Variants in CLEC16A observed in about 807,000 individuals in gnomAD.
The protein encoded by CLEC16A is C-type lectin domain containing 16A, also known as protein CLEC16A.
CLEC16A carries 51 observed loss-of-function variants against 109.5 expected under a neutral mutation model. The observed-to-expected ratio is 0.47, with a 90% CI of 0.37 to 0.59. The LOEUF is 0.59. Among genes scored for constraint, CLEC16A ranks in the 20% least tolerant of loss-of-function variants. The pLI is 0.00. For synonymous variants in CLEC16A, 673 were observed against 564.2 expected, an observed-to-expected ratio of 1.19 and a Z score of -2.73; for missense variants, 1,339 against 1,394.0, an observed-to-expected ratio of 0.96 and a Z score of 0.63.
At chr16:11,071,418 G>A (rs113446225) in intron 19 of CLEC16A, among the ~76,000 whole-genome samples, 2,335 of 152,190 alleles carry the variant, frequency 0.015, 32 homozygotes, top group Middle Eastern at 0.031. Flanking sequence ...CAAAAAAGAG[G>A]GGGACGAAGG....
At chr16:11,124,698 A>G (rs1236525928) in intron 21 of CLEC16A, among the ~76,000 whole-genome samples, 1 of 152,186 alleles carries the variant, frequency 6.6e-6, no homozygotes, top group Non-Finnish European at 1.5e-5. Flanking sequence ...ACCCAGTGCC[A>G]TTCAGTTCAG....
intron 10 of CLEC16A, among the ~76,000 whole-genome samples, chr16:11,001,456 G>C (rs922038607): frequency 2.0e-5 from 3 of 152,220 alleles, no homozygotes; most frequent in African/African-American, 4.8e-5. Flanking sequence ...TTTAGGAAGA[G>C]TGTGAGCTTT....
At chr16:11,038,047 G>A (rs1442677643) in intron 13 of CLEC16A, among the ~76,000 whole-genome samples, 1 of 152,036 alleles carries the variant, frequency 6.6e-6, no homozygotes, top group Non-Finnish European at 1.5e-5. Context: ...GGCGTTTTGG[G>A]GCATGAGAGA....
At chr16:10,962,083 G>A (rs974917077) in intron 2 of CLEC16A, among the ~76,000 whole-genome samples, 6 of 150,600 alleles carry the variant, frequency 4.0e-5, no homozygotes, top group African/African-American at 1.5e-4. Context: ...CTCCTGAGTA[G>A]CTGGCACTTC....
chr16:11,074,412 G>A (rs2049238530), intron 19 of CLEC16A, among the ~76,000 whole-genome samples: 1 of 152,180 alleles, frequency 6.6e-6, no homozygotes, highest in Non-Finnish European at 1.5e-5. Flanking sequence ...ACTGGAAATG[G>A]GATTGTAATA....
chr16:11,126,316 C>A (rs1458202444), intron 22 of CLEC16A, 170 bp downstream of exon 22: 7 of 1,499,934 alleles, frequency 4.7e-6, no homozygotes, highest in Non-Finnish European at 6.2e-6. Flanking sequence ...TAAACACAGC[C>A]CCCAAAATAA....
intron 19 of CLEC16A, among the ~76,000 whole-genome samples, chr16:11,115,526 C>G (rs1417360110): frequency 3.9e-5 from 6 of 152,260 alleles, no homozygotes; most frequent in African/African-American, 9.6e-5. Context: ...GCACATGCCA[C>G]TACAGCCAGT....
At chr16:10,986,662 A>G (rs1056751931) in intron 10 of CLEC16A, among the ~76,000 whole-genome samples, 2 of 151,354 alleles carry the variant, frequency 1.3e-5, no homozygotes, top group African/African-American at 2.4e-5. Flanking sequence ...GGCTCATTTC[A>G]CTTAATGTAA....
At chr16:10,946,056 T>C (rs2041348898) in intron 1 of CLEC16A, among the ~76,000 whole-genome samples, 1 of 151,930 alleles carries the variant, frequency 6.6e-6, no homozygotes, top group African/African-American at 2.4e-5. Flanking sequence ...GTGTGGAGGA[T>C]GATGAAAAAT....
chr16:11,097,500 C>G (rs1397621118), intron 19 of CLEC16A, among the ~76,000 whole-genome samples: 6 of 151,984 alleles, frequency 3.9e-5, no homozygotes, highest in Admixed American at 2.6e-4. Context: ...CCTTCCCTGC[C>G]CTATTATTTT....
intron 22 of CLEC16A, among the ~76,000 whole-genome samples, chr16:11,137,247 A>T (rs182708105): frequency 6.6e-6 from 1 of 152,298 alleles, no homozygotes; most frequent in East Asian, 1.9e-4. Flanking sequence ...TCATTAACAG[A>T]CAAGTGATAG....
chr16:11,075,262 T>G (rs1290692726), intron 19 of CLEC16A, among the ~76,000 whole-genome samples: 1 of 152,152 alleles, frequency 6.6e-6, no homozygotes, highest in African/African-American at 2.4e-5. Context: ...CCGAGGCACA[T>G]CAACCCTTGG....
chr16:11,027,109 C>T lies in CLEC16A; in HGVS notation c.1537+2188C>T, dbSNP rs548178714. On this transcript the variant is annotated intron_variant, in intron 13 of 23. Transcript: ENST00000409790. ...AAGGCTTATCAGGCACTCAAAGCCA[C>T]CCAGGCAAAGCAGGAACTTTTGGCA... 61 of 1,523,362 alleles carry T rather than the reference C, an allele frequency of 4.0e-5. No homozygotes were observed. In the East Asian group the frequency reaches 1.3e-3, roughly 34 times the overall value. 94.4% of individuals were successfully genotyped at this position (1,523,362 alleles called of 1,614,324 possible). A position where few individuals can be genotyped will look rare whatever the true frequency, so the allele number is the denominator to read the frequency against.
intron 12 of CLEC16A, among the ~76,000 whole-genome samples, chr16:11,022,921 A>ATG (rs1446976300): frequency 2.5e-4 from 34 of 135,516 alleles, no homozygotes; most frequent in Admixed American, 2.3e-3. Context: ...ATATATATAT[A>ATG]TATGTATATA....
intron 10 of CLEC16A, among the ~76,000 whole-genome samples, chr16:10,996,189 A>G (rs188343936): frequency 6.6e-6 from 1 of 152,332 alleles, no homozygotes; most frequent in East Asian, 1.9e-4. Context: ...TCTATAGGGC[A>G]TTGAGTCAAG....
intron 18 of CLEC16A, among the ~76,000 whole-genome samples, chr16:11,058,765 G>A (rs2048336112): frequency 6.6e-6 from 1 of 152,188 alleles, no homozygotes; most frequent in African/African-American, 2.4e-5. Flanking sequence ...GCTGCAGAAA[G>A]CCACACGTTT....
At position 11,178,385 on chromosome 16, in the gene CLEC16A, G is replaced by C; in HGVS notation, c.2857G>C (p.Val953Leu). ...TAAGCCTCACCTTCCTGACCAGTTG[G>C]TAATCGTCAACGAAACGGAAGCAGA... ...LPKPHLPDQL[V>L]IVNETEADSK... The change falls in exon 24 of 24, where the codon GTA (valine) becomes CTA (leucine). Residue 953 changes from valine to leucine, a missense_variant. Coordinates refer to ENST00000409790, the MANE Select transcript of CLEC16A (RefSeq NM_015226.3). This position sits in a 1 kb window ranked among gnomAD's most constrained non-coding sequence, Gnocchi z 6.5. The C allele has an allele frequency of 6.2e-7, 1 of 1,613,816 alleles. No homozygotes were observed. Among genetic ancestry groups the C allele is most frequent in the Non-Finnish European group, 8.5e-7 (1 of 1,179,858 alleles).
At chr16:11,159,990 T>C (rs1190453576) in intron 22 of CLEC16A, among the ~76,000 whole-genome samples, 1 of 152,100 alleles carries the variant, frequency 6.6e-6, no homozygotes, top group Non-Finnish European at 1.5e-5. Flanking sequence ...GGTTAGTGCT[T>C]TTGAGTTGAG....
chr16:10,946,753 G>T (rs1353337648), intron 1 of CLEC16A, among the ~76,000 whole-genome samples: 1 of 152,142 alleles, frequency 6.6e-6, no homozygotes, highest in Non-Finnish European at 1.5e-5. Flanking sequence ...ATTTGCTAAG[G>T]ACTGCCTGTG....
Sources: gnomAD v4.1 joint callset for allele counts (sites outside exome capture counted in the v4.1 genomes callset) on GRCh38, gnomAD v4.1.1 for gene constraint, Gnocchi (gnomAD v3.1) non-coding constraint, MANE v1.5 for transcripts, NCBI Gene and HGNC (gene_info 2026-07-23, HGNC 2026-07-21) for gene names.